Variants in LYPD5 observed in about 807,000 individuals in gnomAD.
LYPD5 encodes ly6/PLAUR domain-containing protein 5.
In LYPD5, 21 loss-of-function variants were observed where a neutral mutation model predicts 19.1. The observed-to-expected ratio is 1.10, with a 90% CI of 0.78 to 1.58. The LOEUF is 1.58. LYPD5 is among the 40% of genes most tolerant of loss of function. LYPD5 has a pLI of 0.00. For missense variants in LYPD5, 287 were observed against 329.8 expected, an observed-to-expected ratio of 0.87 and a Z score of 1.00; for synonymous variants, 128 against 142.7, an observed-to-expected ratio of 0.90 and a Z score of 0.74.
chr19:43,819,459 C>T (rs1002688521), intron 1 of LYPD5, among the ~76,000 whole-genome samples: 3 of 151,850 alleles, frequency 2.0e-5, no homozygotes, highest in Non-Finnish European at 2.9e-5. Context: ...TTACAGTGAC[C>T]GGTAGCACAG....
upstream of LYPD5, among the ~76,000 whole-genome samples, chr19:43,806,955 G>A (rs1287881946): frequency 3.3e-5 from 5 of 152,122 alleles, no homozygotes; most frequent in African/African-American, 1.2e-4. Flanking sequence ...TTTAGTGACT[G>A]GCTTATTTCA....
chr19:43,800,407 C>T (rs189171781), intron 1 of LYPD5, among the ~76,000 whole-genome samples: 4 of 152,310 alleles, frequency 2.6e-5, no homozygotes, highest in Admixed American at 2.6e-4. Context: ...AAAACAAGTA[C>T]GCATCTGGAC....
chr19:43,817,219 TA>T (rs1287926875), intron 1 of LYPD5, among the ~76,000 whole-genome samples: 2 of 152,096 alleles, frequency 1.3e-5, no homozygotes, highest in Non-Finnish European at 2.9e-5. Flanking sequence ...GTTGGTTGGT[TA>T]TTGTGGGGGA....
At chr19:43,799,682 T>C in intron 2 of LYPD5, 24 bp downstream of exon 2, 2 of 1,603,568 alleles carry the variant, frequency 1.2e-6, no homozygotes, top group South Asian at 1.1e-5. Context: ...CTCTCATCCC[T>C]GTCCCCCGGC....
chr19:43,807,258 TTTTC>T (rs200198504), upstream of LYPD5, among the ~76,000 whole-genome samples: 1,214 of 148,824 alleles, frequency 8.2e-3, 16 homozygotes, highest in African/African-American at 0.029. Context: ...CCTCACCTCA[TTTTC>T]TTTCTTTTCT....
intron 1 of LYPD5, among the ~76,000 whole-genome samples, chr19:43,813,344 C>T (rs1288775322): frequency 6.6e-6 from 1 of 152,220 alleles, no homozygotes; most frequent in Non-Finnish European, 1.5e-5. Context: ...TGCCATGTGA[C>T]ACACCTGTTC....
At chr19:43,817,304 G>A (rs960415145) in intron 1 of LYPD5, among the ~76,000 whole-genome samples, 1 of 152,094 alleles carries the variant, frequency 6.6e-6, no homozygotes, top group African/African-American at 2.4e-5. Flanking sequence ...TGAACCCATG[G>A]GAGCTGGGTT....
rs749683884 is a variant in LYPD5 at position 43,798,937 on chromosome 19, G to A, written c.245C>T (p.Pro82Leu). ...CGCGTTCGATTGCGTCTGGCCCGCA[G>A]GAGGCCCGGTCCAGCAGCCCTTCCG... is the stretch of plus-strand genomic sequence containing the variant. ...LVRKGCWTGPPAGQTQSNADA... is the reference protein window; with the variant it reads ...LVRKGCWTGPLAGQTQSNADA... The change falls in exon 3 of 5, where the codon CCT becomes CTT. Residue 82 changes from proline to leucine, a missense_variant. By Grantham distance (98) the Pro-to-Leu change is moderately conservative (BLOSUM62 -3). Coordinates refer to ENST00000377950, the MANE Select transcript of LYPD5 (RefSeq NM_001031749.3). 3 of 1,592,388 alleles carry A rather than the reference G, an allele frequency of 1.9e-6. No homozygotes were observed. In the South Asian group the frequency reaches 3.4e-5, roughly 18 times the overall value.
intron 1 of LYPD5, among the ~76,000 whole-genome samples, chr19:43,807,660 T>C (rs1188883777): frequency 1.3e-5 from 2 of 152,194 alleles, no homozygotes; most frequent in Non-Finnish European, 2.9e-5. Flanking sequence ...GGGAGGCAGA[T>C]TGTGAGGCTG....
chr19:43,803,458 G>T (rs772304697), upstream of LYPD5, among the ~76,000 whole-genome samples: 45 of 152,270 alleles, frequency 3.0e-4, no homozygotes, highest in African/African-American at 1.0e-3. Flanking sequence ...GCTGGATCAG[G>T]CTAGTGGATA....
intron 1 of LYPD5, among the ~76,000 whole-genome samples, chr19:43,812,374 T>TATCTATCTATCTATCTATCA (rs1039208367): frequency 8.0e-6 from 1 of 124,738 alleles, no homozygotes; most frequent in Non-Finnish European, 1.8e-5. Context: ...TCTATCTATC[T>TATCTATCTATCTATCTATCA]ATCAATCTAT....
chr19:43,806,388 C>T (rs1276511758), upstream of LYPD5, among the ~76,000 whole-genome samples: 1 of 152,022 alleles, frequency 6.6e-6, no homozygotes, highest in African/African-American at 2.4e-5. Flanking sequence ...GTGGGCCAAG[C>T]GTGGTGGCTC....
chr19:43,797,995 C>T (rs1970156864), intron 4 of LYPD5, among the ~76,000 whole-genome samples, 166 bp from the exon 5 acceptor site: 1 of 151,990 alleles, frequency 6.6e-6, no homozygotes, highest in South Asian at 2.1e-4. Context: ...TGCCTCTTCC[C>T]TCAGAACAGG....
chr19:43,802,178 T>G, intron 1 of LYPD5, 139 bp downstream of exon 1: 1 of 204,922 alleles, frequency 4.9e-6, no homozygotes, highest in South Asian at 4.2e-5. Flanking sequence ...AGCCCCCTCC[T>G]CCCTCAGACC....
Position 43,799,735 on chromosome 19 carries a change from C to A in LYPD5, c.164G>T (p.Cys55Phe). The change falls in exon 2 of 5, where the codon TGC (cysteine) becomes TTC (phenylalanine). Residue 55 changes from cysteine (C) to phenylalanine (F), a missense_variant. Transcript: ENST00000377950. ...GTCCAGAGACAGGATAGCCTCAAAG[C>A]ACTCATGAGGACAGGAGATGCTGGG... is the stretch of plus-strand genomic sequence containing the variant. Reference protein sequence around the residue: ...KLPSISCPHECFEAILSLDTG... With the variant: ...KLPSISCPHEFFEAILSLDTG... 2 of 1,613,940 alleles carry A rather than the reference C, an allele frequency of 1.2e-6. No individual in the cohort carries two copies. The highest frequency in any genetic ancestry group is 1.7e-6 in the Non-Finnish European group (2 of 1,179,928).
At chr19:43,816,776 C>T (rs1339144138) in intron 1 of LYPD5, among the ~76,000 whole-genome samples, 1 of 152,156 alleles carries the variant, frequency 6.6e-6, no homozygotes, top group Non-Finnish European at 1.5e-5. Flanking sequence ...TGGGAGGAAC[C>T]CGGTGAGAGA....
chr19:43,799,613 A>C, intron 2 of LYPD5, 93 bp downstream of exon 2: 1 of 1,286,528 alleles, frequency 7.8e-7, no homozygotes, highest in Non-Finnish European at 1.1e-6. Flanking sequence ...TTATCTTTTC[A>C]TCTTCTACTC....
chr19:43,819,546 G>A (rs1970402651), intron 1 of LYPD5, among the ~76,000 whole-genome samples: 1 of 151,942 alleles, frequency 6.6e-6, no homozygotes, highest in Non-Finnish European at 1.5e-5. Flanking sequence ...ATAACACATG[G>A]TCAATAGGCA....
upstream of LYPD5, among the ~76,000 whole-genome samples, chr19:43,805,568 C>A (rs184523962): frequency 1.3e-5 from 2 of 152,132 alleles, no homozygotes; most frequent in Non-Finnish European, 2.9e-5. Context: ...AGTGCAGTGG[C>A]GCCATCTTGG....
Sources: gnomAD v4.1 joint callset for allele counts (sites outside exome capture counted in the v4.1 genomes callset) on GRCh38, gnomAD v4.1.1 for gene constraint, MANE v1.5 for transcripts, NCBI Gene and HGNC (gene_info 2026-07-23, HGNC 2026-07-21) for gene names.